Variants in ARHGAP32 observed in about 807,000 individuals in gnomAD.
ARHGAP32 encodes rho GTPase-activating protein 32.
In ARHGAP32, 51 loss-of-function variants were observed where a neutral mutation model predicts 186.5. The observed-to-expected ratio is 0.27, with a 90% CI of 0.22 to 0.35. The LOEUF (loss-of-function observed/expected upper bound fraction) is 0.35. ARHGAP32 is among the 10% of genes least tolerant of loss of function. The probability of loss-of-function intolerance (pLI) is 1.00; values close to 1 mark genes in which losing one functional copy is unlikely to be tolerated. For synonymous variants in ARHGAP32, 950 were observed against 964.3 expected (o/e 0.99, Z 0.27); for missense variants, 2,186 against 2,623.5 (o/e 0.83, Z 3.64).
intron 1 of ARHGAP32, among the ~76,000 whole-genome samples, chr11:129,201,127 C>T (rs922361249): frequency 1.3e-5 from 2 of 152,054 alleles, no homozygotes; most frequent in Non-Finnish European, 2.9e-5. Flanking sequence ...GATCATAAGA[C>T]AATTCAACAT....
intron 2 of ARHGAP32, among the ~76,000 whole-genome samples, 162 bp downstream of exon 2, chr11:129,164,157 C>A (rs940877647): frequency 6.6e-6 from 1 of 152,072 alleles, no homozygotes; most frequent in Non-Finnish European, 1.5e-5. Context: ...ACAGACTCTA[C>A]GACAGTGCCA....
intron 1 of ARHGAP32, among the ~76,000 whole-genome samples, chr11:129,226,294 C>A (rs1271762908): frequency 5.3e-5 from 8 of 151,680 alleles, no homozygotes; most frequent in Non-Finnish European, 1.2e-4. Flanking sequence ...AAAACAAACT[C>A]CAAGTAGGAT....
chr11:129,220,804 C>T (rs1449568390), intron 1 of ARHGAP32, among the ~76,000 whole-genome samples: 1 of 152,006 alleles, frequency 6.6e-6, no homozygotes, highest in African/African-American at 2.4e-5. Context: ...GTAATGGTAA[C>T]ATATTTGCTC....
At chr11:129,122,459 C>A (rs1418638057) in intron 5 of ARHGAP32, among the ~76,000 whole-genome samples, 2 of 152,048 alleles carry the variant, frequency 1.3e-5, no homozygotes, top group African/African-American at 4.8e-5. Context: ...GTACTCATTA[C>A]TGTTTTCTTA....
At chr11:129,091,941 G>C (rs1259276963) in intron 6 of ARHGAP32, among the ~76,000 whole-genome samples, 3 of 151,998 alleles carry the variant, frequency 2.0e-5, no homozygotes, top group Admixed American at 2.0e-4. Context: ...CAAGAATACA[G>C]GAGTAAGCCA....
chr11:129,271,296 A>C (rs1945469219), intron 1 of ARHGAP32, among the ~76,000 whole-genome samples: 1 of 152,148 alleles, frequency 6.6e-6, no homozygotes, highest in Admixed American at 6.5e-5. Flanking sequence ...GAAAAAAGTG[A>C]GATGTAGTCA....
At chr11:129,168,819 C>T (rs1943692514) in intron 1 of ARHGAP32, among the ~76,000 whole-genome samples, 1 of 151,740 alleles carries the variant, frequency 6.6e-6, no homozygotes, top group African/African-American at 2.4e-5. Context: ...GTTTTATAAC[C>T]ACCGCAGAAC....
At chr11:129,009,591 A>G (rs509214) in intron 11 of ARHGAP32, among the ~76,000 whole-genome samples, 98,102 of 152,002 alleles carry the variant, frequency 0.65, 31,992 homozygotes, top group Middle Eastern at 0.71. Flanking sequence ...TGCAGTGTTT[A>G]GTTTTCTGTT....
At chr11:129,218,950 T>C (rs993718074) in intron 1 of ARHGAP32, among the ~76,000 whole-genome samples, 1 of 152,072 alleles carries the variant, frequency 6.6e-6, no homozygotes, top group East Asian at 1.9e-4. Context: ...AGAAAGAAGT[T>C]GAACAGATGA....
At chr11:128,985,966 T>C (rs1164232233) in intron 15 of ARHGAP32, 37 bp downstream of exon 15, 4 of 1,528,194 alleles carry the variant, frequency 2.6e-6, no homozygotes, top group Admixed American at 4.2e-5. Flanking sequence ...GTCAACCGAC[T>C]TCTACCTCTG....
At chr11:129,115,894 G>A (rs973554658) in intron 5 of ARHGAP32, among the ~76,000 whole-genome samples, 1 of 152,050 alleles carries the variant, frequency 6.6e-6, no homozygotes, top group Non-Finnish European at 1.5e-5. Context: ...CTCGAGAAAG[G>A]AGAATGGGCA....
rs561709778 is a variant in ARHGAP32 at position 129,044,988 on chromosome 11, C to T, written c.964-3979G>A. Among the ~76,000 whole-genome samples, 7 of 152,124 alleles carry T rather than the reference C, an allele frequency of 4.6e-5. No individual in the cohort carries two copies. In the East Asian group the frequency reaches 1.2e-3, roughly 25 times the overall value. On this transcript the variant is annotated intron_variant, in intron 10 of 22. Transcript: ENST00000682385. ...ATATCACATACATTAGTTACATTTT[C>T]ACCTTTTAAATTCATCACAATGAAT... is the stretch of plus-strand genomic sequence containing the variant.
chr11:129,226,799 A>G (rs1944790402), intron 1 of ARHGAP32, among the ~76,000 whole-genome samples: 1 of 152,130 alleles, frequency 6.6e-6, no homozygotes. Context: ...GATGAAATTA[A>G]GACATTCTCA....
In ARHGAP32 at chr11:128,974,870, T is replaced by G. The variant is rs772999495; in HGVS notation, c.2327A>C (p.Glu776Ala). The G allele has an allele frequency of 6.2e-7, 1 of 1,614,136 alleles. No homozygotes were observed. The highest frequency in any genetic ancestry group is 1.7e-5 in the Admixed American group (1 of 60,022). The change falls in exon 21 of 23, where the codon GAG (glutamate) becomes GCG (alanine). Residue 776 changes from glutamate to alanine, a missense_variant. By Grantham distance (107) the Glu-to-Ala change is moderately radical. Transcript: ENST00000682385. ...TGGGATATGAAGCAGCCCTCCTTCC[T>G]CCTCACTCTCATTGTCATGAGGCAG... ...DNLPHDNESEEEGGLLHIPAL... is the reference protein window; with the variant it reads ...DNLPHDNESEAEGGLLHIPAL...
chr11:129,145,828 A>G (rs1318986571), intron 2 of ARHGAP32, among the ~76,000 whole-genome samples: 1 of 152,144 alleles, frequency 6.6e-6, no homozygotes, highest in Non-Finnish European at 1.5e-5. Context: ...ATACCACTTG[A>G]TTCATGCCAG....
intron 11 of ARHGAP32, among the ~76,000 whole-genome samples, chr11:129,029,934 A>G (rs1170219416): frequency 1.3e-5 from 2 of 152,120 alleles, no homozygotes; most frequent in Non-Finnish European, 2.9e-5. Flanking sequence ...AAGTATTCAT[A>G]AACCCTAAAG....
intron 6 of ARHGAP32, among the ~76,000 whole-genome samples, chr11:129,076,935 C>T (rs981611159): frequency 6.6e-6 from 1 of 152,142 alleles, no homozygotes; most frequent in African/African-American, 2.4e-5. Context: ...ACTGTGAGTG[C>T]CCCAAGTGTG....
intron 1 of ARHGAP32, among the ~76,000 whole-genome samples, chr11:129,277,005 G>C (rs570568581): frequency 6.6e-6 from 1 of 152,316 alleles, no homozygotes; most frequent in East Asian, 1.9e-4. Context: ...AAGAATATTA[G>C]TCTTACTCTT....
At chr11:129,193,459 G>T (rs1944307087), upstream of ARHGAP32, among the ~76,000 whole-genome samples, 1 of 104,940 alleles carries the variant, frequency 9.5e-6, no homozygotes. Flanking sequence ...TCCAGCCTGG[G>T]CAACACAGCA....
Sources: gnomAD v4.1 joint callset for allele counts (sites outside exome capture counted in the v4.1 genomes callset) on GRCh38, gnomAD v4.1.1 for gene constraint, MANE v1.5 for transcripts, NCBI Gene and HGNC (gene_info 2026-07-23, HGNC 2026-07-21) for gene names.